Variants in DDX4 observed in about 807,000 individuals in gnomAD.
DDX4 encodes probable ATP-dependent RNA helicase DDX4.
Under a neutral mutation model 100.0 loss-of-function variants are expected in DDX4, and 25 were observed. That is an observed-to-expected ratio of 0.25 (90% CI 0.18 to 0.35). The LOEUF (loss-of-function observed/expected upper bound fraction) is 0.35. DDX4 is among the 10% of genes least tolerant of loss of function. The pLI is 1.00. For missense variants in DDX4, 635 were observed against 882.4 expected, an observed-to-expected ratio of 0.72 and a Z score of 3.55; for synonymous variants, 259 against 275.7, an observed-to-expected ratio of 0.94 and a Z score of 0.60.
chr5:55,809,381 C>G (rs1743971083), intron 18 of DDX4, among the ~76,000 whole-genome samples: 1 of 152,108 alleles, frequency 6.6e-6, no homozygotes, highest in Non-Finnish European at 1.5e-5. Flanking sequence ...GTTGGAAATG[C>G]AGAAATCAGC....
intron 3 of DDX4, among the ~76,000 whole-genome samples, chr5:55,756,149 G>T (rs966866855): frequency 6.6e-6 from 1 of 151,952 alleles, no homozygotes; most frequent in African/African-American, 2.4e-5. Flanking sequence ...TGTTATGAGT[G>T]GTTCTCTTAA....
intron 21 of DDX4, among the ~76,000 whole-genome samples, chr5:55,815,936 G>GTTT (rs1183741125): frequency 5.5e-4 from 64 of 115,672 alleles, no homozygotes; most frequent in Non-Finnish European, 8.5e-4. Context: ...CATCTTAGCT[G>GTTT]GTTTTTTTTT....
intron 10 of DDX4, 75 bp downstream of exon 10, chr5:55,782,056 C>A (rs1741946958): frequency 6.5e-7 from 1 of 1,530,942 alleles, no homozygotes; most frequent in Non-Finnish European, 8.9e-7. Flanking sequence ...CTGTACTTCA[C>A]TGGTTGGAAA....
chr5:55,775,002 C>T (rs144025146), intron 7 of DDX4, among the ~76,000 whole-genome samples: 63 of 152,264 alleles, frequency 4.1e-4, no homozygotes, highest in African/African-American at 1.3e-3. Context: ...CTTTGTATTC[C>T]GTTAGACAAC....
At chr5:55,781,592 C>T (rs987362560) in intron 9 of DDX4, among the ~76,000 whole-genome samples, 6 of 151,976 alleles carry the variant, frequency 3.9e-5, no homozygotes, top group Non-Finnish European at 8.8e-5. Flanking sequence ...GCGTGGCCAA[C>T]ATGGCAAAAC....
chr5:55,816,658 C>T lies in DDX4; in HGVS notation c.*118C>T, dbSNP rs1462876420. On this transcript the variant is annotated 3_prime_UTR_variant, in exon 22 of 22. Coordinates refer to ENST00000505374, the MANE Select transcript of DDX4 (RefSeq NM_024415.3). ...CTCATAGCTCCTGTCCTTGTATTCT[C>T]ACTCCTACACTTAAAAAAAAAATCC... 1 of 1,447,508 alleles carries T rather than the reference C, an allele frequency of 6.9e-7. No homozygotes were observed. Among genetic ancestry groups the T allele is most frequent in the African/African-American group, 1.4e-5 (1 of 69,266 alleles). 89.7% of individuals were successfully genotyped at this position (1,447,508 alleles called of 1,614,324 possible).
At position 55,785,297 on chromosome 5, in the gene DDX4, G is replaced by A. The variant is rs773179185; in HGVS notation, c.626G>A (p.Gly209Asp). 3.8e-6 allele frequency: 6 copies of A among 1,590,886 alleles called. No homozygotes were observed. The South Asian group carries it at 5.6e-5, about 15-fold the overall frequency. ...TGTCACTTATGAATTTCTTTAATAG[G>A]TGGTTACAAAGGTTTAAATGAAGAA... is the stretch of plus-strand genomic sequence containing the variant. ...QSRSGSGSER[G>D]GYKGLNEEVI... is the part of the protein sequence containing the mutation. The change falls in exon 11 of 22, where the codon GGT becomes GAT. Residue 209 changes from glycine to aspartate, a missense_variant and splice_region_variant. By Grantham distance (94) the Gly-to-Asp change is moderately conservative. Around this residue, in one of 4 missense-constraint regions of DDX4, gnomAD observed 446 missense variants for 540.8 expected, o/e 0.82. Coordinates refer to ENST00000505374, the MANE Select transcript of DDX4 (RefSeq NM_024415.3).
intron 4 of DDX4, among the ~76,000 whole-genome samples, chr5:55,761,544 G>A (rs1740549987): frequency 6.8e-6 from 1 of 147,962 alleles, no homozygotes; most frequent in Non-Finnish European, 1.5e-5. Context: ...CTGGGACATT[G>A]TAGACCCATG....
chr5:55,791,854 A>G (rs1012865901), intron 16 of DDX4, among the ~76,000 whole-genome samples: 15 of 152,134 alleles, frequency 9.9e-5, no homozygotes, highest in Non-Finnish European at 1.5e-4. Context: ...GCTCACGCCT[A>G]TAATCCCAGC....
At position 55,787,898 on chromosome 5, in the gene DDX4, C is replaced by T. The variant is rs755738148; in HGVS notation, c.1070C>T (p.Ala357Val). The T allele has an allele frequency of 6.2e-7, 1 of 1,613,888 alleles. No homozygotes were observed. The highest frequency in any genetic ancestry group is 8.5e-7 in the Non-Finnish European group (1 of 1,179,946). ...LAHMMHDGITASRFKELQEPE... is the reference protein window; with the variant it reads ...LAHMMHDGITVSRFKELQEPE... ...CATATGATGCATGATGGAATAACTG[C>T]CAGTCGTTTTAAAGAGTTGCAGGAA... Residue 357 changes from alanine (A) to valine (V), a missense_variant, in exon 15 of 22, where the codon GCC (alanine) becomes GTC (valine). Physicochemically the swap from Ala to Val is moderately conservative, Grantham distance 64. Coordinates refer to ENST00000505374, the MANE Select transcript of DDX4 (RefSeq NM_024415.3).
chr5:55,767,096 G>T, intron 6 of DDX4: 2 of 1,270,050 alleles, frequency 1.6e-6, no homozygotes, highest in South Asian at 3.5e-5. Context: ...GCATGAATGG[G>T]GGAAAGTTTG....
At position 55,746,688 on chromosome 5, in the gene DDX4, C is replaced by T. The variant is rs184634654; in HGVS notation, c.127+467C>T. Among the ~76,000 whole-genome samples the T allele has an allele frequency of 2.3e-3, 356 of 152,288 alleles. 5 individuals are homozygous for T. Among genetic ancestry groups the T allele is most frequent in the African/African-American group, 8.2e-3 (342 of 41,556 alleles). On this transcript the variant is annotated intron_variant, in intron 3 of 21. Coordinates refer to ENST00000505374, the MANE Select transcript of DDX4 (RefSeq NM_024415.3). Reference sequence around the variant, plus strand: ...AAAGGTCTTAGGAGAACAATAAAAACGTGTCAAGGTAAAGGAACCCATATC... The same window carrying T: ...AAAGGTCTTAGGAGAACAATAAAAATGTGTCAAGGTAAAGGAACCCATATC...
chr5:55,788,084 A>AT, intron 15 of DDX4, 84 bp downstream of exon 15: 1 of 1,173,248 alleles, frequency 8.5e-7, no homozygotes, highest in Non-Finnish European at 1.2e-6. Flanking sequence ...CTCAGTAATA[A>AT]TGCACTCATG....
At chr5:55,786,469 C>A in intron 13 of DDX4, 49 bp from the exon 14 acceptor site, 1 of 1,396,294 alleles carries the variant, frequency 7.2e-7, no homozygotes, top group South Asian at 1.3e-5. Context: ...TATAAATGAT[C>A]TGCATATGAT....
intron 7 of DDX4, among the ~76,000 whole-genome samples, chr5:55,774,967 A>G (rs1316846583): frequency 2.0e-5 from 3 of 152,222 alleles, no homozygotes; most frequent in African/African-American, 4.8e-5. Flanking sequence ...GTATTCTGTC[A>G]TCACTATCAT....
chr5:55,781,098 C>T lies in DDX4; in HGVS notation c.529C>T (p.Arg177Cys), dbSNP rs759832934. The change falls in exon 9 of 22, where the codon CGC (arginine) becomes TGC (cysteine). Residue 177 changes from arginine (R) to cysteine (C), a missense_variant. Coordinates refer to ENST00000505374, the MANE Select transcript of DDX4 (RefSeq NM_024415.3). ...CTTAGACCCAGACGAATGTATGCAG[C>T]GCACTGGTGGCCTTTTTGGTTCTAG... The part of the protein sequence containing the change: ...NDLDPDECMQ[R>C]TGGLFGSRRP... 8.7e-6 allele frequency: 14 copies of T among 1,612,420 alleles called. No individual in the cohort carries two copies. In the South Asian group the frequency reaches 9.9e-5, roughly 11 times the overall value.
At chr5:55,790,437 C>T (rs921398986) in intron 15 of DDX4, 139 bp from the exon 16 acceptor site, 1 of 640,888 alleles carries the variant, frequency 1.6e-6, no homozygotes, top group Admixed American at 2.9e-5. Flanking sequence ...TGAGCCACTG[C>T]ACCCAGCCAG....
chr5:55,752,330 C>G (rs1759614888), intron 3 of DDX4, among the ~76,000 whole-genome samples: 1 of 113,984 alleles, frequency 8.8e-6, no homozygotes, highest in East Asian at 3.1e-4. Context: ...CTATCCCTCC[C>G]CCCTCCCCCC....
chr5:55,780,257 T>G (rs1741827167), intron 8 of DDX4, among the ~76,000 whole-genome samples, 192 bp downstream of exon 8: 2 of 152,226 alleles, frequency 1.3e-5, no homozygotes, highest in Admixed American at 1.3e-4. Flanking sequence ...TTGGTTAAGT[T>G]AAAATATATG....
Sources: gnomAD v4.1 joint callset for allele counts (sites outside exome capture counted in the v4.1 genomes callset) on GRCh38, gnomAD v4.1.1 for gene constraint, gnomAD v4.1.1 regional missense constraint, MANE v1.5 for transcripts, NCBI Gene and HGNC (gene_info 2026-07-23, HGNC 2026-07-21) for gene names.